NBEAL1: variants seen among roughly 807,000 people sequenced by gnomAD.
NBEAL1 encodes the protein neurobeachin-like protein 1.
NBEAL1 carries 273 observed loss-of-function variants against 351.3 expected under a neutral mutation model. The observed-to-expected ratio is 0.78, with a 90% CI of 0.70 to 0.86. The LOEUF is 0.86. Among genes scored for constraint, NBEAL1 ranks in the 40% least tolerant of loss-of-function variants. The pLI, the probability that NBEAL1 is intolerant of heterozygous loss-of-function variation, is 0.00. For synonymous variants in NBEAL1, 1,050 were observed against 1,086.4 expected (o/e 0.97, Z 0.66); for missense variants, 2,961 against 3,201.3 (o/e 0.92, Z 1.81).
In NBEAL1 at chr2:203,110,191, C is replaced by G; in HGVS notation, c.1991C>G (p.Thr664Ser). 1 of 1,552,978 alleles carries G rather than the reference C, an allele frequency of 6.4e-7. No homozygotes were observed. Among genetic ancestry groups the G allele is most frequent in the Non-Finnish European group, 8.7e-7 (1 of 1,147,238 alleles). ...GSGMGFEAFI[T>S]HSGMLVVAVC... The stretch of plus-strand genomic sequence containing the variant: ...GGCATGGGTTTTGAAGCCTTTATTA[C>G]CCATTCAGGTATGTTGGTCGTGGCA... Residue 664 changes from threonine to serine, a missense_variant, in exon 15 of 56, where the codon ACC becomes AGC. Transcript: ENST00000683969.
intron 10 of NBEAL1, among the ~76,000 whole-genome samples, chr2:203,093,320 T>C (rs550364461): frequency 2.6e-5 from 4 of 151,840 alleles, no homozygotes; most frequent in African/African-American, 9.7e-5. Flanking sequence ...TTTGTTAGCA[T>C]TGGTTTTTCT....
At chr2:203,165,531 G>T (rs1275360516) in intron 36 of NBEAL1, among the ~76,000 whole-genome samples, 1 of 152,024 alleles carries the variant, frequency 6.6e-6, no homozygotes, top group East Asian at 1.9e-4. Flanking sequence ...GACCAATATT[G>T]CCTTATTTTT....
chr2:203,137,877 G>A (rs2063256991), intron 29 of NBEAL1, among the ~76,000 whole-genome samples: 2 of 151,796 alleles, frequency 1.3e-5, no homozygotes, highest in Non-Finnish European at 2.9e-5. Context: ...CCAGCTTCTC[G>A]GGAGACTGAG....
chr2:203,071,933 G>C (rs2061690867), intron 7 of NBEAL1, among the ~76,000 whole-genome samples: 1 of 152,086 alleles, frequency 6.6e-6, no homozygotes, highest in Non-Finnish European at 1.5e-5. Flanking sequence ...ATGCGCACTG[G>C]GTTGCCAGTG....
chr2:203,151,077 A>G (rs1224637241), intron 34 of NBEAL1, among the ~76,000 whole-genome samples: 1 of 152,302 alleles, frequency 6.6e-6, no homozygotes, highest in South Asian at 2.1e-4. Flanking sequence ...CACACCTGTA[A>G]CCCCAGCACT....
At chr2:203,071,958 A>G (rs2061691739) in intron 7 of NBEAL1, among the ~76,000 whole-genome samples, 1 of 152,064 alleles carries the variant, frequency 6.6e-6, no homozygotes. Flanking sequence ...CCCCCACCCC[A>G]GGTCTCTGCA....
In NBEAL1 at chr2:203,136,201, C is replaced by T. The variant is rs200756130; in HGVS notation, c.4338C>T (p.Ile1446=). 3.0e-5 allele frequency: 48 copies of T among 1,610,418 alleles called. No homozygotes were observed. The African/African-American group carries it at 6.0e-4, about 20-fold the overall frequency. The change falls in exon 28 of 56, where the codon ATC becomes ATT. Residue 1446 remains isoleucine, a synonymous_variant. Coordinates refer to ENST00000683969, the MANE Select transcript of NBEAL1 (RefSeq NM_001378026.1). ...FSVHSDRESS[I]TNDMGFSDDF... Reference sequence around the variant, plus strand: ...TGCACTCTGACAGAGAAAGCAGCATCACAAATGATATGGGCTTTAGTGATG... The same window carrying T: ...TGCACTCTGACAGAGAAAGCAGCATTACAAATGATATGGGCTTTAGTGATG...
chr2:203,149,092 A>T lies in NBEAL1; in HGVS notation c.5406A>T (p.Arg1802Ser). ...GCAGTCAACAGTTAGCCACTCTTAGACGCTGGAAAGCAATACAGCTCTATC... is the reference window on the plus strand; with the variant it reads ...GCAGTCAACAGTTAGCCACTCTTAGTCGCTGGAAAGCAATACAGCTCTATC... ...QLSSQQLATL[R>S]RWKAIQLYLT... The change falls in exon 34 of 56, where the codon AGA (arginine) becomes AGT (serine). Residue 1802 changes from arginine (R) to serine (S), a missense_variant. Coordinates refer to ENST00000683969, the MANE Select transcript of NBEAL1 (RefSeq NM_001378026.1). 6.2e-7 allele frequency: 1 copy of T among 1,612,954 alleles called. No individual in the cohort carries two copies. Among genetic ancestry groups the T allele is most frequent in the Non-Finnish European group, 8.5e-7 (1 of 1,179,230 alleles).
At chr2:203,141,207 T>TACCCTCAGTGTTTTTTAATTTG (rs2063358133) in intron 31 of NBEAL1, among the ~76,000 whole-genome samples, 1 of 127,812 alleles carries the variant, frequency 7.8e-6, no homozygotes, top group African/African-American at 2.8e-5. Flanking sequence ...ATTTGTAGTT[T>TACCCTCAGTGTTTTTTAATTTG]ACCCTCAGTG....
intron 4 of NBEAL1, 92 bp downstream of exon 4, chr2:203,050,067 TG>T: frequency 8.5e-7 from 1 of 1,175,728 alleles, no homozygotes; most frequent in Non-Finnish European, 1.2e-6. Context: ...CATCACACAC[TG>T]GGCCTATTGG....
chr2:203,051,983 T>C (rs2061331559), intron 4 of NBEAL1, among the ~76,000 whole-genome samples: 1 of 152,210 alleles, frequency 6.6e-6, no homozygotes, highest in Admixed American at 6.5e-5. Flanking sequence ...CTTACATTAG[T>C]ATGATACATT....
At chr2:203,117,744 G>C (rs897429846) in intron 18 of NBEAL1, among the ~76,000 whole-genome samples, 3 of 152,140 alleles carry the variant, frequency 2.0e-5, no homozygotes, top group South Asian at 4.2e-4. Flanking sequence ...TGTAGTGGTG[G>C]GATCATGGCC....
chr2:203,058,653 T>A (rs2061445911), intron 6 of NBEAL1, among the ~76,000 whole-genome samples: 1 of 152,178 alleles, frequency 6.6e-6, no homozygotes, highest in Non-Finnish European at 1.5e-5. Context: ...TTAAGAATTC[T>A]TGCTGGAGTG....
At chr2:203,200,461 C>T (rs928374549) in intron 49 of NBEAL1, among the ~76,000 whole-genome samples, 9 of 151,836 alleles carry the variant, frequency 5.9e-5, no homozygotes, top group African/African-American at 1.7e-4. Context: ...TGCAGTGAGC[C>T]GAGATAACGC....
Position 203,164,464 on chromosome 2 carries a change from G to A in NBEAL1, c.5715-1685G>A, listed in dbSNP as rs186904765. 3.5e-3 allele frequency among the ~76,000 whole-genome samples: 537 copies of A among 151,826 alleles called. 1 individual carries two copies. Among genetic ancestry groups the A allele is most frequent in the Non-Finnish European group, 5.5e-3 (376 of 67,960 alleles). ...TTTTTTTCTTTCTTTGATGACTAGTGAATTTAATGGATGTCAGACTCATTT... is the reference window on the plus strand; with the variant it reads ...TTTTTTTCTTTCTTTGATGACTAGTAAATTTAATGGATGTCAGACTCATTT... On this transcript the variant is annotated intron_variant, in intron 36 of 55. Transcript: ENST00000683969.
At chr2:203,134,948 G>A (rs2063164412) in intron 27 of NBEAL1, among the ~76,000 whole-genome samples, 1 of 152,152 alleles carries the variant, frequency 6.6e-6, no homozygotes, top group African/African-American at 2.4e-5. Context: ...AGCCGAGGCA[G>A]GCAGATCACA....
At chr2:203,129,788 A>C (rs1036747232) in intron 24 of NBEAL1, among the ~76,000 whole-genome samples, 1 of 152,204 alleles carries the variant, frequency 6.6e-6, no homozygotes, top group African/African-American at 2.4e-5. Flanking sequence ...GACTTTATGG[A>C]GGAGATGTCT....
chr2:203,048,317 G>A (rs1392723786), intron 3 of NBEAL1, among the ~76,000 whole-genome samples: 1 of 150,344 alleles, frequency 6.7e-6, no homozygotes, highest in Non-Finnish European at 1.5e-5. Flanking sequence ...AGGAGGCGGA[G>A]GTTGCAGTGA....
chr2:203,025,007 A>T (rs1018542649), intron 2 of NBEAL1, among the ~76,000 whole-genome samples: 1 of 152,198 alleles, frequency 6.6e-6, no homozygotes, highest in Non-Finnish European at 1.5e-5. Context: ...TAAAATTACT[A>T]CCAAACTGCT....
Sources: allele counts gnomAD v4.1 joint callset (sites outside exome capture counted in the v4.1 genomes callset), GRCh38; gene constraint gnomAD v4.1.1; transcripts MANE v1.5; gene names NCBI Gene and HGNC (gene_info 2026-07-23, HGNC 2026-07-21).